Variants in CCDC62 observed in about 807,000 individuals in gnomAD.
CCDC62 encodes coiled-coil domain containing 62, also known as coiled-coil domain-containing protein 62.
A neutral mutation model predicts 80.8 loss-of-function variants in CCDC62; 72 were observed. The observed-to-expected ratio is 0.89, with a 90% confidence interval of 0.74 to 1.08. The LOEUF (loss-of-function observed/expected upper bound fraction) is 1.08. Ranked by LOEUF, CCDC62 falls within the 50% of genes least tolerant of loss-of-function variation. CCDC62 has a pLI of 0.00. For missense variants in CCDC62, 704 were observed against 809.4 expected (o/e 0.87, Z 1.58); for synonymous variants, 286 against 296.5 (o/e 0.96, Z 0.36).
Position 122,785,477 on chromosome 12 carries a change from G to A in CCDC62, c.397-242G>A, listed in dbSNP as rs576520159. ...ATAGGGCAAATACAAGTACTGAGAG[G>A]ATGGTAGAATTAATAGAGAAATATA... On this transcript the variant is annotated intron_variant, in intron 3 of 12. Transcript: ENST00000253079. Among the ~76,000 whole-genome samples the A allele has an allele frequency of 1.2e-4, 18 of 152,276 alleles. No homozygotes were observed. The South Asian group carries it at 2.5e-3, about 21-fold the overall frequency.
chr12:122,775,402 G>GAA (rs759942565), intron 1 of CCDC62, among the ~76,000 whole-genome samples: 3 of 152,164 alleles, frequency 2.0e-5, no homozygotes, highest in Non-Finnish European at 4.4e-5. Flanking sequence ...CTGCCTTTGT[G>GAA]TACTCGGCTT....
At chr12:122,785,456 G>A (rs930168596) in intron 3 of CCDC62, among the ~76,000 whole-genome samples, 1 of 151,888 alleles carries the variant, frequency 6.6e-6, no homozygotes, top group African/African-American at 2.4e-5. Flanking sequence ...AATTCAATAG[G>A]GCAAATACAA....
chr12:122,822,027 G>C (rs1244244033), intron 11 of CCDC62, among the ~76,000 whole-genome samples: 1 of 147,276 alleles, frequency 6.8e-6, no homozygotes, highest in African/African-American at 2.5e-5. Context: ...CCAGGAATGG[G>C]CAACAATGGG....
At chr12:122,804,773 A>C (rs1337750448) in intron 9 of CCDC62, among the ~76,000 whole-genome samples, 1 of 151,360 alleles carries the variant, frequency 6.6e-6, no homozygotes, top group East Asian at 1.9e-4. Context: ...GCTGGAGTGC[A>C]GTGGTATAAT....
chr12:122,781,492 C>T (rs190840347), intron 3 of CCDC62, among the ~76,000 whole-genome samples, 162 bp downstream of exon 3: 9 of 152,078 alleles, frequency 5.9e-5, no homozygotes, highest in African/African-American at 2.2e-4. Context: ...TCGAGACCAG[C>T]CTGGCCAGCG....
rs756622450 is a variant in CCDC62, at chr12:122,801,286, A to G, written c.1140A>G (p.Lys380=). ...CTTGCGATGAATGCAAAGAGAAGAA[A>G]CAACAGATCGATACTGTGTTTGGGG... The part of the protein sequence containing the change: ...KSSCDECKEK[K]QQIDTVFGEK... The change falls in exon 9 of 13, where the codon AAA becomes AAG. Residue 380 remains lysine, a synonymous_variant. Transcript: ENST00000253079. 3.1e-6 allele frequency: 5 copies of G among 1,614,194 alleles called. No individual in the cohort carries two copies. The Admixed American group carries it at 8.3e-5, about 27-fold the overall frequency.
Position 122,806,022 on chromosome 12 carries a change from A to C in CCDC62, c.1707-129A>C, listed in dbSNP as rs1041547008. 7 of 717,792 alleles carry C rather than the reference A, an allele frequency of 9.8e-6. No homozygotes were observed. In the African/African-American group the frequency reaches 1.2e-4, roughly 13 times the overall value. The allele number at this position is 717,792 out of a possible 1,614,324, so 44.5% of individuals were successfully genotyped here. The stretch of plus-strand genomic sequence containing the variant: ...ATTCTATTCCAATCTATAATGTTCT[A>C]CTCAAACTTGACCTGCTTCAATAAC... On this transcript the variant is annotated intron_variant, in intron 9 of 12. Coordinates refer to ENST00000253079, the MANE Select transcript of CCDC62 (RefSeq NM_201435.5).
intron 5 of CCDC62, among the ~76,000 whole-genome samples, chr12:122,789,905 G>A (rs1359452577): frequency 6.6e-6 from 1 of 151,852 alleles, no homozygotes; most frequent in East Asian, 1.9e-4. Flanking sequence ...CTTTTTCAGT[G>A]TACTGTTAAT....
chr12:122,814,299 AAAGAGAGAG>A (rs2032072389), intron 11 of CCDC62, among the ~76,000 whole-genome samples: 1 of 8,242 alleles, frequency 1.2e-4, no homozygotes. Flanking sequence ...AAAAAAAAAA[AAAGAGAGAG>A]AGAAAGAAAG....
intron 8 of CCDC62, among the ~76,000 whole-genome samples, chr12:122,800,253 A>G (rs547236832): frequency 7.6e-6 from 1 of 131,086 alleles, no homozygotes; most frequent in African/African-American, 3.0e-5. Flanking sequence ...CATTGCCTCT[A>G]GGAGGTACTA....
At chr12:122,780,693 G>T (rs181656399) in intron 2 of CCDC62, among the ~76,000 whole-genome samples, 1 of 151,660 alleles carries the variant, frequency 6.6e-6, no homozygotes, top group Non-Finnish European at 1.5e-5. Flanking sequence ...AAGCTTTGGC[G>T]TAATCATTCA....
intron 11 of CCDC62, among the ~76,000 whole-genome samples, chr12:122,817,974 A>G (rs1421809579): frequency 2.0e-5 from 3 of 152,102 alleles, no homozygotes; most frequent in African/African-American, 7.2e-5. Context: ...AGGCGGTCTC[A>G]GGGCCTACCT....
In CCDC62 at chr12:122,801,300, C is replaced by T. The variant is rs201538122; in HGVS notation, c.1154C>T (p.Thr385Ile). Residue 385 changes from threonine (T) to isoleucine (I), a missense_variant, in exon 9 of 13, where the codon ACT (threonine) becomes ATT (isoleucine). Coordinates refer to ENST00000253079, the MANE Select transcript of CCDC62 (RefSeq NM_201435.5). ...AAAGAGAAGAAACAACAGATCGATA[C>T]TGTGTTTGGGGAGAAAAGTGTAATT... ...ECKEKKQQID[T>I]VFGEKSVITL... is the part of the protein sequence containing the mutation. The T allele has an allele frequency of 6.3e-5, 102 of 1,614,106 alleles. 1 individual carries two copies. In the East Asian group the frequency reaches 2.2e-3, roughly 35 times the overall value.
chr12:122,814,411 G>A (rs997938032), intron 11 of CCDC62, among the ~76,000 whole-genome samples: 6 of 101,918 alleles, frequency 5.9e-5, no homozygotes, highest in Non-Finnish European at 1.3e-4. Flanking sequence ...ATCCATACAC[G>A]TTTTCTTTGG....
chr12:122,786,202 C>CA (rs2030214806), intron 4 of CCDC62, among the ~76,000 whole-genome samples: 1 of 152,140 alleles, frequency 6.6e-6, no homozygotes, highest in Non-Finnish European at 1.5e-5. Flanking sequence ...GGCTGGAGTG[C>CA]AGTGGCTCCG....
rs113291611 is a variant in CCDC62 at position 122,812,616 on chromosome 12, T to C, written c.1852-654T>C. Among the ~76,000 whole-genome samples, 372 of 70,856 alleles carry C rather than the reference T, an allele frequency of 5.3e-3. 9 individuals carry two copies. Among genetic ancestry groups the C allele is most frequent in the African/African-American group, 0.016 (359 of 22,066 alleles). The allele number at this position is 70,856 out of a possible 152,430, so 46.5% of individuals were successfully genotyped here. ...AAAATTAGCCAGGCATGGTGGTGGGTGCCTGTAGTCCCAGCTACTTGGGAG... is the reference window on the plus strand; with the variant it reads ...AAAATTAGCCAGGCATGGTGGTGGGCGCCTGTAGTCCCAGCTACTTGGGAG... On this transcript the variant is annotated intron_variant, in intron 10 of 12. Transcript: ENST00000253079.
chr12:122,816,637 G>A (rs2032177014), intron 11 of CCDC62, among the ~76,000 whole-genome samples: 1 of 152,134 alleles, frequency 6.6e-6, no homozygotes, highest in South Asian at 2.1e-4. Flanking sequence ...GGAGGCTGAG[G>A]TAGGAGGATC....
intron 11 of CCDC62, among the ~76,000 whole-genome samples, chr12:122,818,444 C>G (rs1220151426): frequency 7.2e-6 from 1 of 138,770 alleles, no homozygotes; most frequent in African/African-American, 2.9e-5. Context: ...CATAGCGAGA[C>G]TCTGTCTCAA....
Position 122,801,659 on chromosome 12 carries a change from C to G in CCDC62, c.1513C>G (p.Leu505Val), listed in dbSNP as rs759979825. ...ATGCTGCCAGAAAAATGAAGCCTGT[C>G]TGGGCGAAAGTGGCATGTGTGACTC... ...ISCCQKNEACLGESGMCDSKC... is the reference protein window; with the variant it reads ...ISCCQKNEACVGESGMCDSKC... The change falls in exon 9 of 13, where the codon CTG becomes GTG. Residue 505 changes from leucine (L) to valine (V), a missense_variant. Coordinates refer to ENST00000253079, the MANE Select transcript of CCDC62 (RefSeq NM_201435.5). 7 of 1,614,056 alleles carry G rather than the reference C, an allele frequency of 4.3e-6. No homozygotes were observed. The East Asian group carries it at 1.1e-4, about 26-fold the overall frequency.
Sources: allele counts gnomAD v4.1 joint callset (sites outside exome capture counted in the v4.1 genomes callset), GRCh38; gene constraint gnomAD v4.1.1; transcripts MANE v1.5; gene names NCBI Gene and HGNC (gene_info 2026-07-23, HGNC 2026-07-21).